MIA2: variants seen among roughly 807,000 people sequenced by gnomAD.
MIA2 encodes the protein MIA SH3 domain ER export factor 2, also known as melanoma inhibitory activity protein 2.
A neutral mutation model predicts 167.8 loss-of-function variants in MIA2; 127 were observed. The ratio of observed to expected loss-of-function variants is 0.76; its 90% CI spans 0.66 to 0.88. The LOEUF is 0.88. Among genes scored for constraint, MIA2 ranks in the 40% least tolerant of loss-of-function variants. The pLI is 0.00. For synonymous variants in MIA2, 552 were observed against 541.9 expected (o/e 1.02, Z -0.26); for missense variants, 1,690 against 1,624.7 (o/e 1.04, Z -0.69).
intron 9 of MIA2, among the ~76,000 whole-genome samples, chr14:39,280,744 C>T (rs1370604756): frequency 7.2e-5 from 11 of 151,790 alleles, no homozygotes; most frequent in Admixed American, 6.6e-4. Context: ...AACAAACAAA[C>T]AAACAAACAA....
chr14:39,266,407 G>T, intron 6 of MIA2: 2 of 985,382 alleles, frequency 2.0e-6, no homozygotes, highest in Non-Finnish European at 2.4e-6. Context: ...TCCTCTTCTC[G>T]GAGGAAAACA....
At chr14:39,255,248 G>A (rs1219930683) in intron 6 of MIA2, among the ~76,000 whole-genome samples, 1 of 152,150 alleles carries the variant, frequency 6.6e-6, no homozygotes. Context: ...ACAGGCCTGA[G>A]TGTAATCCCA....
intron 18 of MIA2, 51 bp from the exon 19 acceptor site, chr14:39,313,289 G>A: frequency 1.1e-6 from 1 of 895,870 alleles, no homozygotes; most frequent in Non-Finnish European, 1.7e-6. Flanking sequence ...ATATAGAATT[G>A]ATTATCTTTT....
intron 6 of MIA2, among the ~76,000 whole-genome samples, chr14:39,263,691 G>A (rs972477363): frequency 6.8e-6 from 1 of 147,366 alleles, no homozygotes; most frequent in Admixed American, 6.8e-5. Context: ...GAGTGCAGTG[G>A]TGTGATCTCA....
chr14:39,360,310 C>G (rs752721293), intron 23 of MIA2, among the ~76,000 whole-genome samples: 2 of 152,138 alleles, frequency 1.3e-5, no homozygotes, highest in Non-Finnish European at 2.9e-5. Context: ...GAAAGCCATT[C>G]TAACTGTGGT....
chr14:39,323,758 A>G (rs1012566891), intron 24 of MIA2, among the ~76,000 whole-genome samples: 4 of 152,246 alleles, frequency 2.6e-5, no homozygotes, highest in African/African-American at 4.8e-5. Flanking sequence ...ATTGAATTAC[A>G]TAAGTCAAGG....
chr14:39,311,470 T>C (rs939908084), intron 18 of MIA2, among the ~76,000 whole-genome samples: 19 of 125,126 alleles, frequency 1.5e-4, no homozygotes, highest in African/African-American at 5.4e-4. Flanking sequence ...GTGTTGCTTT[T>C]TTTTTTTTTT....
At chr14:39,379,703 T>C (rs2075115176) in intron 23 of MIA2, among the ~76,000 whole-genome samples, 1 of 151,826 alleles carries the variant, frequency 6.6e-6, no homozygotes, top group Admixed American at 6.6e-5. Flanking sequence ...AATACAAAAA[T>C]TAGCCAAGCA....
chr14:39,286,865 C>CTGTGTGTGTGTGTG (rs34075444), intron 9 of MIA2, among the ~76,000 whole-genome samples: 3 of 142,064 alleles, frequency 2.1e-5, no homozygotes, highest in African/African-American at 7.7e-5. Context: ...GGCTATTTTT[C>CTGTGTGTGTGTGTG]TGTGTGTGTG....
intron 11 of MIA2, 83 bp downstream of exon 11, chr14:39,293,464 T>C (rs2061001068): frequency 3.1e-6 from 3 of 956,070 alleles, no homozygotes; most frequent in South Asian, 1.7e-5. Flanking sequence ...GGTTAAAGTA[T>C]TACATTATTG....
At chr14:39,246,864 A>C in intron 3 of MIA2, 47 bp from the exon 4 acceptor site, 1 of 1,051,558 alleles carries the variant, frequency 9.5e-7, no homozygotes, top group South Asian at 1.8e-5. Flanking sequence ...AGAAACAAGG[A>C]GCTCTAGTAC....
rs566847586 is a variant in MIA2, at chr14:39,368,107, T to C, written c.2249-18778T>C. Among the ~76,000 whole-genome samples, 239 of 152,254 alleles carry C rather than the reference T, an allele frequency of 1.6e-3. 1 individual carries two copies. The highest frequency in any genetic ancestry group is 2.8e-3 in the Non-Finnish European group (189 of 68,014). ...TTACATGTGAGGCTCTTTTCAATTATTGTTTTGTTAAGGTTCTCTGAGAAA... is the reference window on the plus strand; with the variant it reads ...TTACATGTGAGGCTCTTTTCAATTACTGTTTTGTTAAGGTTCTCTGAGAAA... On this transcript the variant is annotated intron_variant, in intron 23 of 23. Coordinates refer to the MIA2 transcript ENST00000341502.
chr14:39,355,154 G>C (rs1461296438), downstream of MIA2, among the ~76,000 whole-genome samples: 2 of 150,432 alleles, frequency 1.3e-5, no homozygotes, highest in Non-Finnish European at 3.0e-5. Flanking sequence ...GGGCAGTATG[G>C]CCATTTTCAC....
intron 23 of MIA2, among the ~76,000 whole-genome samples, chr14:39,357,503 T>C (rs987423543): frequency 2.1e-4 from 32 of 152,236 alleles, no homozygotes; most frequent in African/African-American, 7.0e-4. Flanking sequence ...TGACTCTTCA[T>C]TCAGTTTGCC....
intron 9 of MIA2, among the ~76,000 whole-genome samples, chr14:39,290,534 T>A (rs955693850): frequency 1.6e-4 from 25 of 152,160 alleles, no homozygotes; most frequent in African/African-American, 6.0e-4. Context: ...CCTGCTTTAT[T>A]TGTTGTATGG....
downstream of MIA2, among the ~76,000 whole-genome samples, chr14:39,355,573 G>A (rs1420772698): frequency 6.6e-6 from 1 of 152,108 alleles, no homozygotes; most frequent in Non-Finnish European, 1.5e-5. Flanking sequence ...GCCCTGGCCG[G>A]AACTTCGAAC....
chr14:39,284,545 A>G lies in MIA2; in HGVS notation c.2130+5008A>G, dbSNP rs564886388. ...ACTATTTGGGATCTTTTGCTATTCC[A>G]TATTAAATTTAGATTAAAAAAATTT... On this transcript the variant is annotated intron_variant, in intron 9 of 28. Coordinates refer to ENST00000640607, the MANE Select transcript of MIA2 (RefSeq NM_001329214.4). Among the ~76,000 whole-genome samples the G allele has an allele frequency of 2.5e-4, 38 of 152,240 alleles. No individual in the cohort carries two copies. The South Asian group carries it at 7.0e-3, about 28-fold the overall frequency.
At chr14:39,264,939 A>G (rs971694338) in intron 6 of MIA2, among the ~76,000 whole-genome samples, 5 of 152,114 alleles carry the variant, frequency 3.3e-5, no homozygotes, top group Admixed American at 2.0e-4. Context: ...CAGGTACTAT[A>G]TAAGACCAAA....
At chr14:39,298,530 GTTT>G (rs764475842) in intron 13 of MIA2, among the ~76,000 whole-genome samples, 9 of 26,176 alleles carry the variant, frequency 3.4e-4, no homozygotes, top group African/African-American at 1.4e-3. Flanking sequence ...GTAGAACAGA[GTTT>G]TTTTTTTTTT....
Sources: allele counts gnomAD v4.1 joint callset (sites outside exome capture counted in the v4.1 genomes callset), GRCh38; gene constraint gnomAD v4.1.1; transcripts MANE v1.5; gene names NCBI Gene and HGNC (gene_info 2026-07-23, HGNC 2026-07-21).